DYNC2I1: variants seen among roughly 807,000 people sequenced by gnomAD.
The protein encoded by DYNC2I1 is cytoplasmic dynein 2 intermediate chain 1.
A neutral mutation model predicts 133.4 loss-of-function variants in DYNC2I1; 89 were observed. The observed-to-expected ratio is 0.67, with a 90% confidence interval of 0.56 to 0.80. The LOEUF (loss-of-function observed/expected upper bound fraction) is 0.80. Ranked by LOEUF, DYNC2I1 falls within the 30% of genes least tolerant of loss-of-function variation. The pLI is 0.00. For missense variants in DYNC2I1, 1,291 were observed against 1,314.5 expected, an observed-to-expected ratio of 0.98 and a Z score of 0.28; for synonymous variants, 504 against 484.3, an observed-to-expected ratio of 1.04 and a Z score of -0.54.
chr7:158,881,517 G>C (rs368491170), intron 5 of DYNC2I1, among the ~76,000 whole-genome samples: 1 of 152,022 alleles, frequency 6.6e-6, no homozygotes, highest in Non-Finnish European at 1.5e-5. Context: ...GCAGTGGTGC[G>C]ATCTCGGCTC....
At chr7:158,934,384 C>T in intron 22 of DYNC2I1, 34 bp from the exon 23 acceptor site, 6 of 1,597,132 alleles carry the variant, frequency 3.8e-6, no homozygotes, top group Non-Finnish European at 5.1e-6. Flanking sequence ...GTGTAATGCA[C>T]TCGTTCAGTC....
chr7:158,844,443 G>A, the DYNC2I1 span, among the ~76,000 whole-genome samples: 3 of 152,134 alleles, frequency 2.0e-5, no homozygotes, highest in South Asian at 6.2e-4. Context: ...GGGGGAGAGC[G>A]CGTGGGAATT....
Position 158,938,842 on chromosome 7 carries a change from T to C in DYNC2I1, c.2779-3083T>C, listed in dbSNP as rs116098050. On this transcript the variant is annotated intron_variant, in intron 23 of 24. Transcript: ENST00000407559. ...AATACACGCAAAAACAAAAAACTTA[T>C]CAAGGTATAAAACCCATTCATGTAA... 2.1e-3 allele frequency among the ~76,000 whole-genome samples: 317 copies of C among 152,134 alleles called. 1 individual carries two copies. Among genetic ancestry groups the C allele is most frequent in the African/African-American group, 7.0e-3 (292 of 41,508 alleles).
At chr7:158,949,314 A>G (rs1357537932), downstream of DYNC2I1, among the ~76,000 whole-genome samples, 1 of 152,278 alleles carries the variant, frequency 6.6e-6, no homozygotes, top group African/African-American at 2.4e-5. Flanking sequence ...TTTATTTAGA[A>G]TATCTGAGAG....
intron 11 of DYNC2I1, among the ~76,000 whole-genome samples, chr7:158,909,309 C>T (rs1221461906): frequency 5.1e-5 from 6 of 116,814 alleles, no homozygotes; most frequent in East Asian, 5.7e-4. Flanking sequence ...ACAGCCTGGG[C>T]GACAGAGCAA....
intron 7 of DYNC2I1, among the ~76,000 whole-genome samples, chr7:158,887,475 A>C (rs1181941872): frequency 6.6e-6 from 1 of 152,236 alleles, no homozygotes; most frequent in Non-Finnish European, 1.5e-5. Flanking sequence ...CAAGCAGCAA[A>C]AACTGACAGA....
chr7:158,917,312 C>T (rs972306057), intron 14 of DYNC2I1, among the ~76,000 whole-genome samples: 10 of 151,404 alleles, frequency 6.6e-5, no homozygotes, highest in Admixed American at 4.0e-4. Flanking sequence ...GATTGTGAGA[C>T]GTCACTAAAC....
chr7:158,873,968 A>C (rs1412092358), intron 3 of DYNC2I1, among the ~76,000 whole-genome samples: 1 of 152,142 alleles, frequency 6.6e-6, no homozygotes, highest in Non-Finnish European at 1.5e-5. Flanking sequence ...CATGTTGGCC[A>C]GGCTAGTCTT....
At position 158,879,878 on chromosome 7, in the gene DYNC2I1, TAAAG is replaced by T. The variant is rs1843823774; in HGVS notation, c.772_775del (p.Glu258SerfsTer59). The stretch of plus-strand genomic sequence containing the variant: ...TCTCTGACAAAGGGGAAGAAAGACA[TAAAG>T]AAAAGCGACACAAAGAAGGTTTTCA... On this transcript the variant is annotated frameshift_variant, in exon 5 of 25. Transcript: ENST00000407559. LOFTEE classifies it high-confidence loss of function. 7 of 1,613,032 alleles carry T rather than the reference TAAAG, an allele frequency of 4.3e-6. No homozygotes were observed. The highest frequency in any genetic ancestry group is 5.9e-6 in the Non-Finnish European group (7 of 1,179,748).
In DYNC2I1 at chr7:158,896,993, T is replaced by TG. The variant is rs1211121416; in HGVS notation, c.1060-4746_1060-4745insG. Among the ~76,000 whole-genome samples, 137 of 150,894 alleles carry TG rather than the reference T, an allele frequency of 9.1e-4. No individual in the cohort carries two copies. The East Asian group carries it at 0.015, about 17-fold the overall frequency. On this transcript the variant is annotated intron_variant, in intron 8 of 24. Transcript: ENST00000407559. ...AAAGAATTGTATAATTTCTTTTTTT[T>TG]TTTTTTTTGAGACAGAGTCTCTCTC...
At chr7:158,915,827 T>A (rs1213346810) in intron 14 of DYNC2I1, among the ~76,000 whole-genome samples, 21 of 147,390 alleles carry the variant, frequency 1.4e-4, no homozygotes, top group Non-Finnish European at 3.1e-4. Flanking sequence ...TAAGGATGAT[T>A]GTGAAACGTC....
Position 158,862,785 on chromosome 7 carries a change from C to T in DYNC2I1, c.15+6035C>T, listed in dbSNP as rs569625994. On this transcript the variant is annotated intron_variant, in intron 1 of 24. Transcript: ENST00000407559. ...TTACAATTCTTAAAGATGGTGTGTCCGGAGTTTGTTCCTTCACATGTTCAG... is the reference window on the plus strand; with the variant it reads ...TTACAATTCTTAAAGATGGTGTGTCTGGAGTTTGTTCCTTCACATGTTCAG... Among the ~76,000 whole-genome samples the T allele has an allele frequency of 7.9e-5, 12 of 152,088 alleles. No individual in the cohort carries two copies. The South Asian group carries it at 8.3e-4, about 11-fold the overall frequency.
the DYNC2I1 span, among the ~76,000 whole-genome samples, chr7:158,841,369 T>C: frequency 2.0e-5 from 3 of 151,650 alleles, no homozygotes; most frequent in African/African-American, 7.3e-5. Context: ...TGTGCTACCA[T>C]GCCCAGATAA....
At chr7:158,951,100 T>C (rs62477967), downstream of DYNC2I1, among the ~76,000 whole-genome samples, 3,337 of 152,358 alleles carry the variant, frequency 0.022, 59 homozygotes, top group Admixed American at 0.053. Flanking sequence ...AAATCCCCTT[T>C]CAAATAGTTC....
intron 5 of DYNC2I1, 103 bp downstream of exon 5, chr7:158,880,092 C>T (rs1456692175): frequency 1.5e-6 from 2 of 1,345,212 alleles, no homozygotes; most frequent in Non-Finnish European, 2.0e-6. Context: ...AGATTTGTGG[C>T]CTAGTAGTAG....
intron 24 of DYNC2I1, among the ~76,000 whole-genome samples, chr7:158,943,222 A>C (rs999668313): frequency 3.9e-5 from 6 of 152,170 alleles, no homozygotes; most frequent in African/African-American, 1.4e-4. Context: ...AATACATTAA[A>C]ATCCAGACTG....
chr7:158,919,323 T>G (rs887449277), intron 15 of DYNC2I1, among the ~76,000 whole-genome samples: 6 of 151,990 alleles, frequency 3.9e-5, no homozygotes, highest in African/African-American at 1.5e-4. Context: ...TAGACTTAGA[T>G]TTTTAGGTCA....
At chr7:158,920,585 C>T (rs1316885444) in intron 15 of DYNC2I1, among the ~76,000 whole-genome samples, 12 of 152,020 alleles carry the variant, frequency 7.9e-5, no homozygotes, top group East Asian at 1.9e-4. Context: ...TCGGGGAACA[C>T]GTGAAGTGCA....
chr7:158,896,293 A>G (rs192819453), intron 8 of DYNC2I1, among the ~76,000 whole-genome samples: 86 of 152,258 alleles, frequency 5.6e-4, no homozygotes, highest in African/African-American at 2.0e-3. Context: ...GAGTTTTATC[A>G]TTAATGGTTG....
Sources: gnomAD v4.1 joint callset for allele counts (sites outside exome capture counted in the v4.1 genomes callset) on GRCh38, gnomAD v4.1.1 for gene constraint, MANE v1.5 for transcripts, NCBI Gene and HGNC (gene_info 2026-07-23, HGNC 2026-07-21) for gene names.